The following SLC9C2 variants were observed in gnomAD, a reference collection of about 807,000 sequenced individuals.
SLC9C2 encodes sodium/hydrogen exchanger 11.
A neutral mutation model predicts 140.2 loss-of-function variants in SLC9C2; 75 were observed. The ratio of observed to expected loss-of-function variants is 0.53; its 90% CI spans 0.44 to 0.65. The LOEUF is 0.65. Ranked by LOEUF, SLC9C2 falls within the 30% of genes least tolerant of loss-of-function variation. SLC9C2 has a pLI of 0.00. For synonymous variants in SLC9C2, 375 were observed against 420.9 expected, an observed-to-expected ratio of 0.89 and a Z score of 1.34; for missense variants, 1,074 against 1,331.8, an observed-to-expected ratio of 0.81 and a Z score of 3.01.
intron 9 of SLC9C2, among the ~76,000 whole-genome samples, chr1:173,570,371 C>A (rs1044520450): frequency 6.6e-6 from 1 of 152,048 alleles, no homozygotes; most frequent in Admixed American, 6.5e-5. Flanking sequence ...GAACTGGGGG[C>A]CTCAAAACTC....
Position 173,509,572 on chromosome 1 carries a change from T to C in SLC9C2, c.3035A>G (p.Asp1012Gly), listed in dbSNP as rs1269018103. The C allele has an allele frequency of 1.3e-6, 2 of 1,545,832 alleles. No individual in the cohort carries two copies. Among genetic ancestry groups the C allele is most frequent in the Admixed American group, 2.2e-5 (1 of 46,504 alleles). The change falls in exon 24 of 28, where the codon GAT becomes GGT. Residue 1012 changes from aspartate to glycine, a missense_variant. Asp to Gly is a moderately conservative substitution (Grantham distance 94, BLOSUM62 -1). Transcript: ENST00000367714. ...TATTTTAATCACATAACTTACCTCATCAATAAGACTTGATTCAAAATACTG... is the reference window on the plus strand; with the variant it reads ...TATTTTAATCACATAACTTACCTCACCAATAAGACTTGATTCAAAATACTG... ...AYQYFESSLI[D>G]EDLRFQNCVM...
At chr1:173,546,939 G>A (rs1571527469) in intron 13 of SLC9C2, among the ~76,000 whole-genome samples, 1 of 152,072 alleles carries the variant, frequency 6.6e-6, no homozygotes, top group Admixed American at 6.6e-5. Flanking sequence ...ATAAGATGGG[G>A]GTTAGGATGC....
At chr1:173,583,757 C>T (rs1035593435) in intron 5 of SLC9C2, 135 bp from the exon 6 acceptor site, 6 of 535,692 alleles carry the variant, frequency 1.1e-5, no homozygotes, top group Non-Finnish European at 2.0e-5. Flanking sequence ...TGGGATGGGT[C>T]TGTAAGACAA....
chr1:173,577,260 G>T (rs1167112995), intron 7 of SLC9C2, among the ~76,000 whole-genome samples: 1 of 152,170 alleles, frequency 6.6e-6, no homozygotes, highest in Non-Finnish European at 1.5e-5. Flanking sequence ...CAGCCCTCAA[G>T]GTGTCCTTTA....
chr1:173,552,742 T>A (rs1571543880), intron 11 of SLC9C2, among the ~76,000 whole-genome samples: 1 of 152,372 alleles, frequency 6.6e-6, no homozygotes, highest in East Asian at 1.9e-4. Flanking sequence ...CACTTAGTCA[T>A]GCAAGAGCTC....
intron 1 of SLC9C2, 94 bp from the exon 2 acceptor site, chr1:173,601,949 T>C (rs1453372434): frequency 5.5e-6 from 4 of 731,346 alleles, no homozygotes; most frequent in Non-Finnish European, 9.0e-6. Context: ...GATCTGAACA[T>C]GTCTCTTCTT....
chr1:173,529,008 G>A (rs1571478393), intron 18 of SLC9C2, among the ~76,000 whole-genome samples: 4 of 152,278 alleles, frequency 2.6e-5, no homozygotes. Flanking sequence ...ATAATATTAT[G>A]TTAATTCTTT....
Position 173,537,020 on chromosome 1 carries a change from C to A in SLC9C2, c.1577G>T (p.Arg526Leu), listed in dbSNP as rs775523749. Residue 526 changes from arginine to leucine, a missense_variant, in exon 14 of 28, where the codon CGT becomes CTT. Arg to Leu is a moderately radical substitution (Grantham distance 102, BLOSUM62 -2). Transcript: ENST00000367714. Reference sequence around the variant, plus strand: ...CTCTATTTCAAGAATTCCATTGTTACGCTGTTTTTCAAAGCTACTCTAAAC... The same window carrying A: ...CTCTATTTCAAGAATTCCATTGTTAAGCTGTTTTTCAAAGCTACTCTAAAC... Reference protein sequence around the residue: ...AIQMSSFEKQRNNGILEIEAA... With the variant: ...AIQMSSFEKQLNNGILEIEAA... 1.9e-6 allele frequency: 3 copies of A among 1,613,416 alleles called. No homozygotes were observed. In the Middle Eastern group the frequency reaches 5.0e-4, roughly 267 times the overall value.
At chr1:173,591,127 A>G (rs958846225) in intron 4 of SLC9C2, among the ~76,000 whole-genome samples, 1 of 152,088 alleles carries the variant, frequency 6.6e-6, no homozygotes, top group African/African-American at 2.4e-5. Flanking sequence ...GAGAGCATGC[A>G]GTATTTGGTT....
chr1:173,597,951 C>T lies in SLC9C2; in HGVS notation c.310G>A (p.Val104Ile). 6.3e-7 allele frequency: 1 copy of T among 1,597,240 alleles called. No individual in the cohort carries two copies. The highest frequency in any genetic ancestry group is 8.5e-7 in the Non-Finnish European group (1 of 1,171,364). Residue 104 changes from valine (V) to isoleucine (I), a missense_variant, in exon 4 of 28, where the codon GTT becomes ATT. Coordinates refer to ENST00000367714, the MANE Select transcript of SLC9C2 (RefSeq NM_178527.4). ...SYFSPLIIFM[V>I]ALDVEFYTLK... ...GTATAAAATTCTACATCCAAAGCAA[C>T]CATAAATATAATTAAAGGTGAAAAG...
intron 5 of SLC9C2, 139 bp downstream of exon 5, chr1:173,587,526 G>T: frequency 2.7e-6 from 2 of 750,860 alleles, no homozygotes; most frequent in Non-Finnish European, 2.1e-6. Flanking sequence ...GTCAATCAGT[G>T]CTCTACCTCT....
intron 9 of SLC9C2, among the ~76,000 whole-genome samples, chr1:173,558,701 A>C (rs1454725089): frequency 1.3e-5 from 2 of 152,222 alleles, no homozygotes; most frequent in Non-Finnish European, 1.5e-5. Flanking sequence ...TATATGATAC[A>C]TATGTATCCA....
intron 26 of SLC9C2, 48 bp from the exon 27 acceptor site, chr1:173,503,374 G>T: frequency 1.3e-6 from 2 of 1,527,758 alleles, no homozygotes; most frequent in Non-Finnish European, 1.8e-6. Context: ...AGGAATTTAA[G>T]AGTAAAGGCA....
At chr1:173,531,238 T>C (rs1038429193) in intron 17 of SLC9C2, among the ~76,000 whole-genome samples, 3 of 152,164 alleles carry the variant, frequency 2.0e-5, no homozygotes, top group Non-Finnish European at 4.4e-5. Context: ...ACCATGGTAA[T>C]ATACTTCACT....
intron 4 of SLC9C2, among the ~76,000 whole-genome samples, chr1:173,591,195 G>C (rs374402593): frequency 9.9e-5 from 15 of 152,184 alleles, no homozygotes; most frequent in African/African-American, 3.6e-4. Context: ...CCATGTTCCC[G>C]CAAAAGACAT....
chr1:173,520,066 T>G (rs2101940964), intron 22 of SLC9C2, among the ~76,000 whole-genome samples: 1 of 152,190 alleles, frequency 6.6e-6, no homozygotes, highest in East Asian at 1.9e-4. Context: ...GAGAATCACT[T>G]GAACCCGACG....
At chr1:173,587,484 G>T (rs1188447720) in intron 5 of SLC9C2, among the ~76,000 whole-genome samples, 181 bp downstream of exon 5, 3 of 152,004 alleles carry the variant, frequency 2.0e-5, no homozygotes, top group Admixed American at 6.6e-5. Context: ...TCATCTCCTT[G>T]GTGGCTGTCT....
rs185661525 is a variant in SLC9C2 at position 173,519,804 on chromosome 1, T to C, written c.2739+1497A>G. Among the ~76,000 whole-genome samples, 440 of 152,222 alleles carry C rather than the reference T, an allele frequency of 2.9e-3. 8 individuals carry two copies. Among genetic ancestry groups the C allele is most frequent in the Non-Finnish European group, 5.9e-4 (40 of 68,016 alleles). Reference sequence around the variant, plus strand: ...ATCTTTGGCCTCTGAGTATGTGTAGTTGGGGCCAAGTGAATTTTTTTTTTC... The same window carrying C: ...ATCTTTGGCCTCTGAGTATGTGTAGCTGGGGCCAAGTGAATTTTTTTTTTC... On this transcript the variant is annotated intron_variant, in intron 22 of 27. Coordinates refer to ENST00000367714, the MANE Select transcript of SLC9C2 (RefSeq NM_178527.4).
At chr1:173,584,645 T>C (rs116560972) in intron 5 of SLC9C2, among the ~76,000 whole-genome samples, 2,898 of 152,294 alleles carry the variant, frequency 0.019, 87 homozygotes, top group African/African-American at 0.066. Flanking sequence ...TGCTTTTGTG[T>C]AGTCTTCTTT....
Sources: allele counts gnomAD v4.1 joint callset (sites outside exome capture counted in the v4.1 genomes callset), GRCh38; gene constraint gnomAD v4.1.1; transcripts MANE v1.5; gene names NCBI Gene and HGNC (gene_info 2026-07-23, HGNC 2026-07-21).